Variants in IQSEC1 observed in about 807,000 individuals in gnomAD.
IQSEC1 encodes IQ motif and Sec7 domain ArfGEF 1.
A neutral mutation model predicts 91.0 loss-of-function variants in IQSEC1; 31 were observed. That is an observed-to-expected ratio of 0.34 (90% CI 0.26 to 0.46). IQSEC1 has a LOEUF of 0.46. Ranked by LOEUF, IQSEC1 falls within the 20% of genes least tolerant of loss-of-function variation. IQSEC1 has a pLI of 1.00. For missense variants in IQSEC1, 1,388 were observed against 1,575.6 expected, an observed-to-expected ratio of 0.88 and a Z score of 2.02; for synonymous variants, 699 against 662.6, an observed-to-expected ratio of 1.05 and a Z score of -0.84.
intron 1 of IQSEC1, among the ~76,000 whole-genome samples, chr3:13,069,583 G>A (rs1257800270): frequency 6.6e-6 from 1 of 152,234 alleles, no homozygotes; most frequent in Admixed American, 6.5e-5. Flanking sequence ...ACAGAAGGAA[G>A]AGAGGGGTCG....
intron 1 of IQSEC1, among the ~76,000 whole-genome samples, chr3:13,033,944 G>A (rs547398386): frequency 3.4e-4 from 52 of 152,324 alleles, no homozygotes; most frequent in Admixed American, 5.9e-4. Context: ...GGTGACACAT[G>A]AGATGAACAC....
Position 13,238,993 on chromosome 3 carries a change from C to T in IQSEC1, c.272+43718G>A, listed in dbSNP as rs73033214. On this transcript the variant is annotated intron_variant, in intron 1 of 15. Coordinates refer to the IQSEC1 transcript ENST00000648114. ...AGGAGCCCATGCTGGGGACTCGACA[C>T]GCCCACCAGCCTTTCCTCATTCCTG... Among the ~76,000 whole-genome samples the T allele has an allele frequency of 1.0e-2, 1,523 of 152,324 alleles. 18 individuals carry two copies. The highest frequency in any genetic ancestry group is 0.016 in the Non-Finnish European group (1,121 of 68,026).
chr3:12,912,318 A>G (rs952384887), intron 9 of IQSEC1, among the ~76,000 whole-genome samples: 1 of 152,230 alleles, frequency 6.6e-6, no homozygotes, highest in Non-Finnish European at 1.5e-5. Context: ...TCTCCAGGGC[A>G]TGCCAGGCAC....
rs1020207472 is a variant in IQSEC1 at position 13,282,221 on chromosome 3, C to A, written c.272+490G>T. 6.6e-6 allele frequency among the ~76,000 whole-genome samples: 1 copy of A among 152,204 alleles called. No homozygotes were observed. The highest frequency in any genetic ancestry group is 2.4e-5 in the African/African-American group (1 of 41,452). ...TCTGCGCGTCCCGGACTGGACACAG[C>A]GCAGAGTCCATTCCAGGGACACCGC... On this transcript the variant is annotated intron_variant, in intron 1 of 15. Transcript: ENST00000648114. The surrounding 1 kb of genome is among the most constrained non-coding windows in gnomAD (Gnocchi z 6.4).
chr3:12,961,603 CT>C (rs768173358), intron 1 of IQSEC1, among the ~76,000 whole-genome samples: 67 of 152,198 alleles, frequency 4.4e-4, no homozygotes, highest in Non-Finnish European at 7.8e-4. Flanking sequence ...CTGCACCCCT[CT>C]CTTTTAACCC....
At chr3:13,165,711 G>A (rs986837266) in intron 1 of IQSEC1, among the ~76,000 whole-genome samples, 1 of 151,906 alleles carries the variant, frequency 6.6e-6, no homozygotes, top group Non-Finnish European at 1.5e-5. Context: ...CCAACCATGA[G>A]TGTGAGCCCA....
intron 2 of IQSEC1, among the ~76,000 whole-genome samples, chr3:13,137,168 G>A (rs1706725123): frequency 6.6e-6 from 1 of 152,090 alleles, no homozygotes; most frequent in Admixed American, 6.6e-5. Flanking sequence ...TTCTTGTTAG[G>A]TTGACCACTC....
In IQSEC1 at chr3:13,247,830, G is replaced by A. The variant is rs187229660; in HGVS notation, c.272+34881C>T. ...GGCATTGCAGGCACTGTTCCCCACTGCACGTTCCCCATCTTCCCACAGACA... is the reference window on the plus strand; with the variant it reads ...GGCATTGCAGGCACTGTTCCCCACTACACGTTCCCCATCTTCCCACAGACA... On this transcript the variant is annotated intron_variant, in intron 1 of 15. Transcript: ENST00000648114. Among the ~76,000 whole-genome samples the A allele has an allele frequency of 7.9e-5, 12 of 152,228 alleles. 1 individual carries two copies. In the East Asian group the frequency reaches 1.9e-3, roughly 25 times the overall value.
At chr3:12,904,047 G>A (rs969116468) in intron 12 of IQSEC1, among the ~76,000 whole-genome samples, 3 of 152,316 alleles carry the variant, frequency 2.0e-5, no homozygotes, top group Non-Finnish European at 2.9e-5. Flanking sequence ...AGCAACTGCT[G>A]GGCCTCCCCA....
chr3:13,231,198 A>G (rs112675120), intron 1 of IQSEC1, among the ~76,000 whole-genome samples: 2,649 of 152,288 alleles, frequency 0.017, 78 homozygotes, highest in African/African-American at 0.06. Context: ...TTTGATGCAA[A>G]AAATTTGGAA....
intron 1 of IQSEC1, among the ~76,000 whole-genome samples, chr3:13,268,157 C>G (rs767985705): frequency 4.6e-5 from 7 of 152,192 alleles, no homozygotes; most frequent in Non-Finnish European, 7.3e-5. Context: ...CTGAGCAGAG[C>G]CCAAGAGCTC....
At chr3:13,237,046 T>C (rs934089726) in intron 1 of IQSEC1, among the ~76,000 whole-genome samples, 1 of 152,252 alleles carries the variant, frequency 6.6e-6, no homozygotes, top group African/African-American at 2.4e-5. Context: ...TGTGCTCTGC[T>C]GGACACGGAT....
chr3:13,135,513 T>A (rs1441528051), intron 2 of IQSEC1, among the ~76,000 whole-genome samples: 2 of 152,198 alleles, frequency 1.3e-5, no homozygotes, highest in Non-Finnish European at 2.9e-5. Flanking sequence ...TGGGCTGCCA[T>A]CAAAGGCCCC....
intron 1 of IQSEC1, among the ~76,000 whole-genome samples, chr3:13,023,927 A>G (rs896014991): frequency 5.3e-5 from 8 of 152,102 alleles, no homozygotes; most frequent in Non-Finnish European, 1.2e-4. Context: ...AACACCCCCA[A>G]TGATGTGAAG....
chr3:13,010,308 G>A (rs1234017300), intron 1 of IQSEC1, among the ~76,000 whole-genome samples: 2 of 152,194 alleles, frequency 1.3e-5, no homozygotes, highest in African/African-American at 2.4e-5. Context: ...TCCATTCTCA[G>A]TCCATCTAAT....
intron 2 of IQSEC1, among the ~76,000 whole-genome samples, chr3:13,162,101 C>T (rs1471847049): frequency 1.3e-5 from 2 of 152,218 alleles, no homozygotes; most frequent in African/African-American, 4.8e-5. Context: ...ATCCCCACCA[C>T]GAGGGTGTAT....
intron 1 of IQSEC1, among the ~76,000 whole-genome samples, chr3:13,192,018 C>A (rs1344794565): frequency 6.6e-6 from 1 of 152,188 alleles, no homozygotes; most frequent in Non-Finnish European, 1.5e-5. Context: ...GCCTCCAGTA[C>A]CTCATGCCAT....
chr3:13,236,845 C>A (rs1306272336), intron 1 of IQSEC1, among the ~76,000 whole-genome samples: 2 of 152,230 alleles, frequency 1.3e-5, no homozygotes, highest in African/African-American at 4.8e-5. Context: ...TGATGATGCC[C>A]CACCCCCACC....
At chr3:13,278,552 C>T (rs1181931799) in intron 1 of IQSEC1, among the ~76,000 whole-genome samples, 1 of 152,164 alleles carries the variant, frequency 6.6e-6, no homozygotes, top group African/African-American at 2.4e-5. Flanking sequence ...GGTGTGGTGG[C>T]TCACGCCTGT....
Sources: allele counts gnomAD v4.1 joint callset (sites outside exome capture counted in the v4.1 genomes callset), GRCh38; gene constraint gnomAD v4.1.1; non-coding constraint Gnocchi (gnomAD v3.1); transcripts MANE v1.5; gene names NCBI Gene and HGNC (gene_info 2026-07-23, HGNC 2026-07-21).